CACNA2D3: variants seen among roughly 807,000 people sequenced by gnomAD.
CACNA2D3 encodes calcium voltage-gated channel auxiliary subunit alpha2delta 3, also known as voltage-dependent calcium channel subunit alpha-2/delta-3.
A neutral mutation model predicts 160.6 loss-of-function variants in CACNA2D3; 60 were observed. That is an observed-to-expected ratio of 0.37 (90% CI 0.30 to 0.46). The LOEUF is 0.46. Ranked by LOEUF, CACNA2D3 falls within the 20% of genes least tolerant of loss-of-function variation. The pLI is 1.00. For synonymous variants in CACNA2D3, 558 were observed against 492.9 expected, an observed-to-expected ratio of 1.13 and a Z score of -1.75; for missense variants, 1,205 against 1,365.0, an observed-to-expected ratio of 0.88 and a Z score of 1.85.
At chr3:54,379,865 A>G (rs1157054239) in intron 3 of CACNA2D3, among the ~76,000 whole-genome samples, 1 of 151,420 alleles carries the variant, frequency 6.6e-6, no homozygotes, top group Admixed American at 6.6e-5. Flanking sequence ...TGAAATAGCT[A>G]TTTTCCTTGT....
At chr3:54,697,332 C>G (rs1396698422) in intron 11 of CACNA2D3, among the ~76,000 whole-genome samples, 1 of 152,132 alleles carries the variant, frequency 6.6e-6, no homozygotes, top group African/African-American at 2.4e-5. Flanking sequence ...GTTTCTAACT[C>G]TGGGTCCAGA....
intron 13 of CACNA2D3, among the ~76,000 whole-genome samples, chr3:54,769,409 T>A (rs1042471186): frequency 6.6e-6 from 1 of 151,610 alleles, no homozygotes; most frequent in Non-Finnish European, 1.5e-5. Flanking sequence ...TAGCTCTGGA[T>A]TTTTTTTTAA....
At chr3:54,257,436 G>A (rs1483413585) in intron 2 of CACNA2D3, among the ~76,000 whole-genome samples, 2 of 152,182 alleles carry the variant, frequency 1.3e-5, no homozygotes, top group Non-Finnish European at 1.5e-5. Flanking sequence ...AGAGCTAGGG[G>A]AGCTTTCCCT....
chr3:54,819,676 C>T (rs1183581835), intron 14 of CACNA2D3, among the ~76,000 whole-genome samples: 4 of 152,096 alleles, frequency 2.6e-5, no homozygotes, highest in African/African-American at 4.8e-5. Flanking sequence ...GAAACCACGT[C>T]TCTTCTAAAA....
At chr3:54,581,771 A>C in intron 8 of CACNA2D3, 32 bp from the exon 9 acceptor site, 6 of 1,559,862 alleles carry the variant, frequency 3.8e-6, no homozygotes, top group Non-Finnish European at 4.4e-6. Context: ...TTCCTTAATT[A>C]AGTGTTCCTT....
chr3:54,517,670 A>C (rs1234829770), intron 5 of CACNA2D3, among the ~76,000 whole-genome samples: 5 of 152,194 alleles, frequency 3.3e-5, no homozygotes, highest in Non-Finnish European at 7.3e-5. Flanking sequence ...TCTTCTCTTC[A>C]TGCCCAACAG....
At position 54,546,534 on chromosome 3, in the gene CACNA2D3, C is replaced by A. The variant is rs1343343106; in HGVS notation, c.545-16266C>A. Among the ~76,000 whole-genome samples the A allele has an allele frequency of 2.0e-5, 3 of 152,180 alleles. No homozygotes were observed. In the East Asian group the frequency reaches 5.8e-4, roughly 29 times the overall value. ...TCTAGAGCATGCAGAATGCCCGCAG[C>A]TGGTAAACCTCCCCCAAGACTCAAA... On this transcript the variant is annotated intron_variant, in intron 5 of 37. Coordinates refer to ENST00000474759, the MANE Select transcript of CACNA2D3 (RefSeq NM_018398.3).
At chr3:54,753,235 G>A (rs547336075) in intron 12 of CACNA2D3, among the ~76,000 whole-genome samples, 1 of 152,258 alleles carries the variant, frequency 6.6e-6, no homozygotes, top group Admixed American at 6.5e-5. Flanking sequence ...AGTAGCCTTG[G>A]GAGAATTGCT....
intron 4 of CACNA2D3, among the ~76,000 whole-genome samples, chr3:54,422,397 T>C (rs938776121): frequency 7.2e-5 from 11 of 152,262 alleles, no homozygotes; most frequent in Admixed American, 5.2e-4. Flanking sequence ...TTGAAATGTT[T>C]AAGAAAATGT....
chr3:54,888,863 G>A (rs891567060), intron 24 of CACNA2D3, among the ~76,000 whole-genome samples: 1 of 152,142 alleles, frequency 6.6e-6, no homozygotes, highest in Non-Finnish European at 1.5e-5. Context: ...GACTCTGAGC[G>A]AGGTGTTGGG....
chr3:55,008,330 A>G (rs904247508), intron 33 of CACNA2D3, among the ~76,000 whole-genome samples: 5 of 152,226 alleles, frequency 3.3e-5, no homozygotes, highest in African/African-American at 1.2e-4. Flanking sequence ...TGCTGGTTGC[A>G]TCTATGACTT....
chr3:54,919,037 A>T, intron 27 of CACNA2D3: 1 of 661,680 alleles, frequency 1.5e-6, no homozygotes, highest in Non-Finnish European at 2.3e-6. Flanking sequence ...TTTAACAACC[A>T]TATTTTATGA....
chr3:54,252,535 A>G (rs9883496), intron 2 of CACNA2D3, among the ~76,000 whole-genome samples: 61,900 of 152,068 alleles, frequency 0.41, 12,707 homozygotes, highest in African/African-American at 0.42. Context: ...ACTAGGACTC[A>G]GCTGCAGTCT....
chr3:54,940,014 G>A (rs868555527), intron 27 of CACNA2D3, among the ~76,000 whole-genome samples: 26 of 152,064 alleles, frequency 1.7e-4, no homozygotes, highest in Middle Eastern at 3.4e-3. Context: ...GAGCAGATGA[G>A]CATCTCAGAA....
intron 27 of CACNA2D3, among the ~76,000 whole-genome samples, chr3:54,949,567 G>A (rs1701703267): frequency 6.6e-6 from 1 of 152,166 alleles, no homozygotes; most frequent in Admixed American, 6.5e-5. Flanking sequence ...TCTACCCATT[G>A]ATGCCATACC....
chr3:54,763,861 A>G (rs376944034), intron 12 of CACNA2D3, among the ~76,000 whole-genome samples: 19,048 of 28,432 alleles, frequency 0.67, 7,165 homozygotes, highest in Admixed American at 0.8. Flanking sequence ...ATATATACAT[A>G]TATATATACG....
At chr3:54,775,056 T>TG (rs1702402056) in intron 13 of CACNA2D3, among the ~76,000 whole-genome samples, 9 of 152,248 alleles carry the variant, frequency 5.9e-5, no homozygotes, top group Non-Finnish European at 2.9e-5. Context: ...TTTATAAACC[T>TG]TAATTTATTT....
intron 4 of CACNA2D3, among the ~76,000 whole-genome samples, chr3:54,405,778 GA>G (rs1237287577): frequency 6.6e-6 from 1 of 150,562 alleles, no homozygotes; most frequent in East Asian, 1.9e-4. Flanking sequence ...AAAATATTGG[GA>G]AAAATATTCA....
intron 2 of CACNA2D3, among the ~76,000 whole-genome samples, chr3:54,266,744 G>A (rs1054408592): frequency 6.6e-6 from 1 of 152,160 alleles, no homozygotes; most frequent in Non-Finnish European, 1.5e-5. Flanking sequence ...TTCCAATTTG[G>A]GTGTCAGCAT....
Sources: gnomAD v4.1 joint callset for allele counts (sites outside exome capture counted in the v4.1 genomes callset) on GRCh38, gnomAD v4.1.1 for gene constraint, MANE v1.5 for transcripts, NCBI Gene and HGNC (gene_info 2026-07-23, HGNC 2026-07-21) for gene names.